ZNF37A: variants seen among roughly 807,000 people sequenced by gnomAD.
The protein encoded by ZNF37A is zinc finger protein 37A.
ZNF37A carries 10 observed loss-of-function variants against 12.3 expected under a neutral mutation model. The observed-to-expected ratio is 0.82, with a 90% CI of 0.50 to 1.38. The LOEUF (loss-of-function observed/expected upper bound fraction) is 1.38. Among genes scored for constraint, ZNF37A ranks in the 40% most tolerant of loss-of-function variants. ZNF37A has a pLI of 0.00. For synonymous variants in ZNF37A, 207 were observed against 223.0 expected, an observed-to-expected ratio of 0.93 and a Z score of 0.64; for missense variants, 580 against 651.2, an observed-to-expected ratio of 0.89 and a Z score of 1.19.
At chr10:38,132,468 G>C (rs1480865429) in intron 7 of ZNF37A, among the ~76,000 whole-genome samples, 1 of 151,960 alleles carries the variant, frequency 6.6e-6, no homozygotes, top group Admixed American at 6.6e-5. Flanking sequence ...CACTCATAAT[G>C]AATAATTCTT....
chr10:38,110,777 A>G (rs1205700051), intron 5 of ZNF37A, among the ~76,000 whole-genome samples: 7 of 152,252 alleles, frequency 4.6e-5, no homozygotes, highest in Admixed American at 1.3e-4. Context: ...CAAAACCACA[A>G]TGAGATACTA....
intron 7 of ZNF37A, among the ~76,000 whole-genome samples, chr10:38,116,700 C>T (rs986434382): frequency 6.6e-6 from 1 of 152,122 alleles, no homozygotes; most frequent in African/African-American, 2.4e-5. Context: ...AAATAAAGGG[C>T]AAATCCCACA....
At chr10:38,126,724 G>T (rs1293244882), downstream of ZNF37A, among the ~76,000 whole-genome samples, 1 of 152,188 alleles carries the variant, frequency 6.6e-6, no homozygotes, top group African/African-American at 2.4e-5. Flanking sequence ...AGCCTCCAGA[G>T]CAACATGCAG....
chr10:38,148,177 TC>T (rs1177489308), exon 8 of ZNF37A: 4 of 152,114 alleles, frequency 2.6e-5, no homozygotes, highest in Non-Finnish European at 4.4e-5. Flanking sequence ...CATATTGGCA[TC>T]CTTGGTTTAT....
chr10:38,113,716 A>G (rs1254563712), intron 5 of ZNF37A, among the ~76,000 whole-genome samples: 3 of 152,114 alleles, frequency 2.0e-5, no homozygotes, highest in Non-Finnish European at 4.4e-5. Context: ...GGTATAGACA[A>G]TCTACCTCTA....
chr10:38,106,234 C>A, intron 5 of ZNF37A, among the ~76,000 whole-genome samples: 1 of 152,170 alleles, frequency 6.6e-6, no homozygotes, highest in East Asian at 1.9e-4. Flanking sequence ...CAAACTCCAG[C>A]AGACCTGCAG....
intron 7 of ZNF37A, among the ~76,000 whole-genome samples, chr10:38,132,489 A>G (rs1434827382): frequency 6.6e-6 from 1 of 152,100 alleles, no homozygotes; most frequent in Non-Finnish European, 1.5e-5. Context: ...TTAACGGACT[A>G]TTGAATTCAA....
exon 8 of ZNF37A, chr10:38,147,945 G>A (rs761104587): frequency 3.9e-5 from 6 of 152,218 alleles, no homozygotes; most frequent in Admixed American, 6.5e-5. Flanking sequence ...TGATTTCGAT[G>A]AGTTAAGGAA....
chr10:38,097,880 A>C (rs66899031), intron 5 of ZNF37A, among the ~76,000 whole-genome samples: 20,739 of 152,208 alleles, frequency 0.14, 1,474 homozygotes, highest in Non-Finnish European at 0.16. Flanking sequence ...GTACCACCAT[A>C]ACCACCATTT....
chr10:38,097,574 ACT>A (rs1330438466), intron 5 of ZNF37A, among the ~76,000 whole-genome samples: 2 of 121,484 alleles, frequency 1.6e-5, no homozygotes, highest in Non-Finnish European at 3.3e-5. Flanking sequence ...ACAGAGTGAG[ACT>A]CTGTCTCAAA....
chr10:38,118,500 A>G lies in ZNF37A; in HGVS notation c.1349A>G (p.Tyr450Cys), dbSNP rs145170353. The G allele has an allele frequency of 6.5e-4, 1,054 of 1,613,996 alleles. 1 individual carries two copies. The highest frequency in any genetic ancestry group is 8.2e-4 in the Non-Finnish European group (967 of 1,179,998). ...ECIQCGKFFC[Y>C]YSGFTEHLRR... is the part of the protein sequence containing the mutation. ...ATTCAGTGTGGAAAATTTTTCTGCT[A>G]CTACTCCGGTTTCACAGAACATCTG... The change falls in exon 8 of 8, where the codon TAC becomes TGC. Residue 450 changes from tyrosine (Y) to cysteine (C), a missense_variant. Tyr to Cys is a radical substitution (Grantham distance 194, BLOSUM62 -2). Coordinates refer to ENST00000685332, the MANE Select transcript of ZNF37A (RefSeq NM_001324250.3).
intron 4 of ZNF37A, 139 bp from the exon 5 acceptor site, chr10:38,096,435 A>G: frequency 3.7e-6 from 2 of 536,152 alleles, no homozygotes; most frequent in Non-Finnish European, 6.6e-6. Context: ...TTTGAAAACT[A>G]ATGAGTCCAA....
downstream of ZNF37A, among the ~76,000 whole-genome samples, chr10:38,128,899 GCCTGCCA>G (rs1287729561): frequency 1.3e-5 from 2 of 152,008 alleles, no homozygotes; most frequent in Non-Finnish European, 2.9e-5. Context: ...GATTACAGGC[GCCTGCCA>G]CCATGCCCAG....
chr10:38,096,580 C>A lies in ZNF37A; in HGVS notation c.-38C>A, dbSNP rs1274441702. 1.2e-6 allele frequency: 2 copies of A among 1,606,714 alleles called. No individual in the cohort carries two copies. The highest frequency in any genetic ancestry group is 3.4e-5 in the Admixed American group (2 of 58,508). On this transcript the variant is annotated 5_prime_UTR_variant, in exon 5 of 8. Transcript: ENST00000685332. ...ATCTTTTCTTATTTCTCAGCTACAC[C>A]CTCACAGTTTGCTCTGCTCTTCCAA...
rs1325273545 is a variant in ZNF37A, at chr10:38,117,576, G to T, written c.425G>T (p.Trp142Leu). 1 of 1,613,364 alleles carries T rather than the reference G, an allele frequency of 6.2e-7. No homozygotes were observed. ...DLIWHQKIKN[W>L]EQSFEYNECG... ...ATTTGGCATCAGAAAATTAAAAATTGGGAACAATCTTTTGAATACAATGAA... is the reference window on the plus strand; with the variant it reads ...ATTTGGCATCAGAAAATTAAAAATTTGGAACAATCTTTTGAATACAATGAA... The change falls in exon 8 of 8, where the codon TGG becomes TTG. Residue 142 changes from tryptophan to leucine, a missense_variant. Physicochemically the swap from Trp to Leu is moderately conservative, Grantham distance 61 (BLOSUM62 -2). Transcript: ENST00000685332.
At chr10:38,133,650 CT>C (rs1174766128) in intron 7 of ZNF37A, among the ~76,000 whole-genome samples, 3 of 151,668 alleles carry the variant, frequency 2.0e-5, no homozygotes, top group African/African-American at 7.3e-5. Context: ...TGAACTCATC[CT>C]TTTTTATGGC....
chr10:38,112,793 T>TCTCGG lies in ZNF37A; in HGVS notation c.16-1962_16-1961insCTCGG, dbSNP rs1564932610. On this transcript the variant is annotated intron_variant, in intron 5 of 7. Transcript: ENST00000685332. The stretch of plus-strand genomic sequence containing the variant: ...TTCTTTTCTTTTCTTTTCTTTTCTT[T>TCTCGG]TCTTGTCTTGTCTTGTCTTCTTTTC... Among the ~76,000 whole-genome samples, 97 of 48,748 alleles carry TCTCGG rather than the reference T, an allele frequency of 2.0e-3. 10 individuals are homozygous for TCTCGG. In the Middle Eastern group the frequency reaches 0.024, roughly 12 times the overall value. 32.0% of individuals were successfully genotyped at this position (48,748 alleles called of 152,430 possible). A position where few individuals can be genotyped will look rare whatever the true frequency, so the allele number is the denominator to read the frequency against.
chr10:38,119,340 G>T lies in ZNF37A; in HGVS notation c.*503G>T. 9.9e-7 allele frequency: 1 copy of T among 1,010,302 alleles called. No homozygotes were observed. The allele number at this position is 1,010,302 out of a possible 1,614,324, so 62.6% of individuals were successfully genotyped here. The stretch of plus-strand genomic sequence containing the variant: ...ATGAATGTGGAAAATCATTCTGTGT[G>T]AAGTCAAGAGGCCAGAGAAAATGCA... On this transcript the variant is annotated 3_prime_UTR_variant, in exon 8 of 8. Transcript: ENST00000685332.
intron 5 of ZNF37A, among the ~76,000 whole-genome samples, chr10:38,102,123 C>T (rs1313838496): frequency 6.6e-6 from 1 of 152,052 alleles, no homozygotes; most frequent in Non-Finnish European, 1.5e-5. Context: ...GTTTGAGCCA[C>T]CATGCCCAGC....
Sources: allele counts gnomAD v4.1 joint callset (sites outside exome capture counted in the v4.1 genomes callset), GRCh38; gene constraint gnomAD v4.1.1; transcripts MANE v1.5; gene names NCBI Gene and HGNC (gene_info 2026-07-23, HGNC 2026-07-21).